The following PRPF3 variants were observed in gnomAD, a reference collection of about 807,000 sequenced individuals.
PRPF3 encodes the protein U4/U6 small nuclear ribonucleoprotein Prp3.
PRPF3 carries 3 observed loss-of-function variants against 89.2 expected under a neutral mutation model. That is an observed-to-expected ratio of 0.03 (90% CI 0.02 to 0.09). The LOEUF (loss-of-function observed/expected upper bound fraction) is 0.09, where lower values mean the gene tolerates loss of function less well. Ranked by LOEUF, PRPF3 falls within the 10% of genes least tolerant of loss-of-function variation. The pLI, the probability that PRPF3 is intolerant of heterozygous loss-of-function variation, is 1.00. For synonymous variants in PRPF3, 270 were observed against 289.1 expected (o/e 0.93, Z 0.67); for missense variants, 463 against 828.8 (o/e 0.56, Z 5.42).
Position 150,339,210 on chromosome 1 carries a change from TA to T in PRPF3, c.1202+899del, listed in dbSNP as rs782456463. Among the ~76,000 whole-genome samples the T allele has an allele frequency of 6.6e-3, 894 of 135,978 alleles. 1 individual carries two copies. Among genetic ancestry groups the T allele is most frequent in the African/African-American group, 6.3e-3 (234 of 37,144 alleles). 89.2% of individuals were successfully genotyped at this position (135,978 alleles called of 152,430 possible). A position where few individuals can be genotyped will look rare whatever the true frequency, so the allele number is the denominator to read the frequency against. ...GGTGAGACCTCGTTTCTACAAAGAT[TA>T]AAAAAAAAAAAAAAGTAGCTGGGCA... On this transcript the variant is annotated intron_variant, in intron 8 of 15. Coordinates refer to ENST00000324862, the MANE Select transcript of PRPF3 (RefSeq NM_004698.4).
chr1:150,349,921 T>A (rs947225473), intron 15 of PRPF3, among the ~76,000 whole-genome samples: 3 of 151,792 alleles, frequency 2.0e-5, no homozygotes, highest in Non-Finnish European at 4.4e-5. Context: ...AGTTTCGCTC[T>A]TGTTGCTCTT....
intron 3 of PRPF3, among the ~76,000 whole-genome samples, chr1:150,326,683 T>TAAA (rs1311946533): frequency 8.5e-6 from 1 of 117,164 alleles, no homozygotes. Context: ...GCTATGGAAC[T>TAAA]AAAAAAAAAA....
chr1:150,328,038 G>C, intron 3 of PRPF3: 1 of 413,604 alleles, frequency 2.4e-6, no homozygotes, highest in Non-Finnish European at 4.5e-6. Flanking sequence ...TGGAAAAGTT[G>C]AGAGAAATCA....
At chr1:150,324,165 G>A (rs1655435881) in intron 1 of PRPF3, among the ~76,000 whole-genome samples, 2 of 152,140 alleles carry the variant, frequency 1.3e-5, no homozygotes, top group South Asian at 4.1e-4. Flanking sequence ...TACCTTAAAA[G>A]AAGGGAATCC....
intron 1 of PRPF3, among the ~76,000 whole-genome samples, chr1:150,321,873 G>C (rs149966034): frequency 1.3e-4 from 20 of 152,008 alleles, no homozygotes; most frequent in African/African-American, 4.8e-4. Flanking sequence ...TAAAAATGAA[G>C]ATTAGCGGGG....
chr1:150,342,152 C>T (rs587676033), intron 9 of PRPF3, among the ~76,000 whole-genome samples: 22 of 151,794 alleles, frequency 1.4e-4, no homozygotes, highest in African/African-American at 4.8e-4. Flanking sequence ...GAGGCCGAGG[C>T]GGGCAGATCA....
rs1386410237 is a variant in PRPF3 at position 150,343,315 on chromosome 1, A to G, written c.1289A>G (p.Asn430Ser). ...TAATATCTCTGCCTGACAGTTGACAATGACACACCAGTTACTCTGGGAGTA... is the reference window on the plus strand; with the variant it reads ...TAATATCTCTGCCTGACAGTTGACAGTGACACACCAGTTACTCTGGGAGTA... ...HPAQLNPPVD[N>S]DTPVTLGVYL... The change falls in exon 10 of 16, where the codon AAT (asparagine) becomes AGT (serine). Residue 430 changes from asparagine (N) to serine (S), a missense_variant. Asn to Ser is a conservative substitution (Grantham distance 46). Coordinates refer to ENST00000324862, the MANE Select transcript of PRPF3 (RefSeq NM_004698.4). The G allele has an allele frequency of 3.2e-5, 46 of 1,426,924 alleles. No individual in the cohort carries two copies. The highest frequency in any genetic ancestry group is 1.1e-4 in the East Asian group (5 of 44,714). 88.4% of individuals were successfully genotyped at this position (1,426,924 alleles called of 1,614,324 possible). A position where few individuals can be genotyped will look rare whatever the true frequency, so the allele number is the denominator to read the frequency against.
chr1:150,348,394 A>G (rs1397634005), intron 14 of PRPF3, among the ~76,000 whole-genome samples: 1 of 150,566 alleles, frequency 6.6e-6, no homozygotes, highest in Non-Finnish European at 1.5e-5. Context: ...TAAAAATATA[A>G]ATAAAATCTG....
At chr1:150,350,652 C>A (rs868958780) in intron 15 of PRPF3, among the ~76,000 whole-genome samples, 4 of 152,076 alleles carry the variant, frequency 2.6e-5, no homozygotes, top group African/African-American at 4.8e-5. Flanking sequence ...GAAACAAATT[C>A]TAATTATACA....
At chr1:150,328,588 T>TTG in intron 4 of PRPF3, 122 bp downstream of exon 4, 1 of 1,107,376 alleles carries the variant, frequency 9.0e-7, no homozygotes, top group Non-Finnish European at 1.3e-6. Flanking sequence ...GTTTTGCTCT[T>TTG]GTCACCCAGG....
intron 4 of PRPF3, among the ~76,000 whole-genome samples, chr1:150,329,305 A>G (rs1166401636): frequency 6.6e-6 from 1 of 152,256 alleles, no homozygotes; most frequent in East Asian, 1.9e-4. Flanking sequence ...CTGGGATTAC[A>G]GGTGTGAGCC....
At chr1:150,336,047 C>T (rs962181764) in intron 7 of PRPF3, among the ~76,000 whole-genome samples, 5 of 152,124 alleles carry the variant, frequency 3.3e-5, no homozygotes, top group Admixed American at 6.6e-5. Flanking sequence ...GGATTATAGG[C>T]GTGAGCCACT....
At chr1:150,348,825 A>C in intron 14 of PRPF3, 1 of 330,044 alleles carries the variant, frequency 3.0e-6, no homozygotes, top group Non-Finnish European at 5.8e-6. Context: ...TGAGAGTAAT[A>C]TATGATGTTG....
chr1:150,326,278 T>A (rs1655698254), intron 3 of PRPF3, among the ~76,000 whole-genome samples: 1 of 152,184 alleles, frequency 6.6e-6, no homozygotes, highest in African/African-American at 2.4e-5. Flanking sequence ...ACCTCATTGT[T>A]GCCTCTTTGT....
At chr1:150,327,680 C>T in intron 3 of PRPF3, 2 of 962,816 alleles carry the variant, frequency 2.1e-6, no homozygotes, top group Non-Finnish European at 2.5e-6. Context: ...TTCCCATTGT[C>T]CCTTCCAGTT....
intron 15 of PRPF3, among the ~76,000 whole-genome samples, chr1:150,351,014 C>T (rs1658873863): frequency 6.6e-6 from 1 of 151,542 alleles, no homozygotes; most frequent in African/African-American, 2.4e-5. Flanking sequence ...TGCCTATACT[C>T]CCAACACTTT....
chr1:150,347,011 A>G (rs1366111015), intron 14 of PRPF3, among the ~76,000 whole-genome samples: 6 of 152,046 alleles, frequency 3.9e-5, no homozygotes, highest in Non-Finnish European at 7.4e-5. Context: ...GGATCACTTG[A>G]GCTTGGGGAG....
intron 3 of PRPF3, 100 bp downstream of exon 3, chr1:150,325,981 C>A: frequency 2.1e-6 from 3 of 1,453,622 alleles, no homozygotes; most frequent in Non-Finnish European, 2.9e-6. Flanking sequence ...CTATTTAGAG[C>A]AGCAAATGTT....
intron 7 of PRPF3, among the ~76,000 whole-genome samples, chr1:150,337,636 G>A (rs1012602512): frequency 2.2e-4 from 33 of 151,850 alleles, no homozygotes; most frequent in Non-Finnish European, 4.0e-4. Context: ...AAATGAGCCG[G>A]GCGTGGTGAT....
Sources: allele counts gnomAD v4.1 joint callset (sites outside exome capture counted in the v4.1 genomes callset), GRCh38; gene constraint gnomAD v4.1.1; transcripts MANE v1.5; gene names NCBI Gene and HGNC (gene_info 2026-07-23, HGNC 2026-07-21).